Variants in AFG3L2 observed in about 807,000 individuals in gnomAD.
The protein encoded by AFG3L2 is AFG3 like matrix AAA peptidase subunit 2, also known as mitochondrial inner membrane m-AAA protease component AFG3L2.
Under a neutral mutation model 94.5 loss-of-function variants are expected in AFG3L2, and 54 were observed. The ratio of observed to expected loss-of-function variants is 0.57; its 90% CI spans 0.46 to 0.72. The LOEUF (loss-of-function observed/expected upper bound fraction) is 0.72. AFG3L2 is among the 30% of genes least tolerant of loss of function. AFG3L2 has a pLI of 0.00. For synonymous variants in AFG3L2, 377 were observed against 365.5 expected, an observed-to-expected ratio of 1.03 and a Z score of -0.36; for missense variants, 754 against 994.9, an observed-to-expected ratio of 0.76 and a Z score of 3.26.
intron 3 of AFG3L2, among the ~76,000 whole-genome samples, chr18:12,369,017 A>C (rs1908895016): frequency 6.6e-6 from 1 of 152,026 alleles, no homozygotes; most frequent in Non-Finnish European, 1.5e-5. Flanking sequence ...GCTTCATGAC[A>C]CATTCACTCC....
chr18:12,341,901 G>A (rs977086511), intron 14 of AFG3L2: 6 of 152,164 alleles, frequency 3.9e-5, no homozygotes, highest in Non-Finnish European at 8.8e-5. Context: ...AGGCTGGAGT[G>A]CAGTGGCACG....
At chr18:12,333,753 T>G (rs894604889) in intron 16 of AFG3L2, among the ~76,000 whole-genome samples, 1 of 152,196 alleles carries the variant, frequency 6.6e-6, no homozygotes, top group African/African-American at 2.4e-5. Context: ...GTAACCAGCA[T>G]GCACTTGACA....
chr18:12,369,924 G>A (rs796383409), intron 3 of AFG3L2, among the ~76,000 whole-genome samples: 16 of 151,106 alleles, frequency 1.1e-4, no homozygotes, highest in African/African-American at 3.9e-4. Context: ...TTAGCCAGGC[G>A]TGCGCCTTTA....
chr18:12,363,883 A>C (rs754512260), intron 5 of AFG3L2, 27 bp from the exon 6 acceptor site: 91 of 1,516,516 alleles, frequency 6.0e-5, no homozygotes, highest in Non-Finnish European at 9.2e-6. Flanking sequence ...AAATTCACAC[A>C]TAAATTCACA....
chr18:12,375,226 C>T (rs896039448), intron 1 of AFG3L2, among the ~76,000 whole-genome samples: 6 of 150,254 alleles, frequency 4.0e-5, no homozygotes, highest in Non-Finnish European at 7.4e-5. Context: ...ATCATGAATG[C>T]AGGCACTATT....
chr18:12,345,293 C>T (rs914925381), intron 13 of AFG3L2, among the ~76,000 whole-genome samples: 2 of 152,242 alleles, frequency 1.3e-5, no homozygotes, highest in Non-Finnish European at 2.9e-5. Context: ...TCTTCTCTGG[C>T]CTGGATCAAC....
intron 6 of AFG3L2, among the ~76,000 whole-genome samples, chr18:12,362,644 G>A (rs760862602): frequency 2.0e-5 from 3 of 152,162 alleles, no homozygotes; most frequent in Admixed American, 6.5e-5. Context: ...AAAATCACCC[G>A]TAGGGACGGC....
At chr18:12,370,260 C>T (rs1908940146) in intron 3 of AFG3L2, among the ~76,000 whole-genome samples, 1 of 152,004 alleles carries the variant, frequency 6.6e-6, no homozygotes, top group South Asian at 2.1e-4. Context: ...CGATTTTTCT[C>T]AATGTTTTAA....
At chr18:12,365,396 C>G (rs1908775000) in intron 5 of AFG3L2, among the ~76,000 whole-genome samples, 1 of 152,208 alleles carries the variant, frequency 6.6e-6, no homozygotes, top group Admixed American at 6.5e-5. Flanking sequence ...CCCACTACAT[C>G]TGAGAATTAC....
intron 1 of AFG3L2, among the ~76,000 whole-genome samples, chr18:12,372,518 C>G (rs1030191613): frequency 1.3e-5 from 2 of 152,164 alleles, no homozygotes; most frequent in African/African-American, 4.8e-5. Context: ...TATGGGTCAC[C>G]ATATGACCCA....
At chr18:12,341,553 T>C (rs1282395267) in intron 14 of AFG3L2, 2 of 152,210 alleles carry the variant, frequency 1.3e-5, no homozygotes, top group Non-Finnish European at 2.9e-5. Context: ...TTTGGCCTCT[T>C]TCCCTGTTTT....
At position 12,377,137 on chromosome 18, in the gene AFG3L2, C is replaced by A; in HGVS notation, c.-55G>T. Reference sequence around the variant, plus strand: ...ACGCTGCGCAGGCGCGGGCAGGCGACGACTGGCGGCCTCGGGAAGCGGGCT... The same window carrying A: ...ACGCTGCGCAGGCGCGGGCAGGCGAAGACTGGCGGCCTCGGGAAGCGGGCT... On this transcript the variant is annotated 5_prime_UTR_variant, in exon 1 of 17. Coordinates refer to ENST00000269143, the MANE Select transcript of AFG3L2 (RefSeq NM_006796.3). The A allele has an allele frequency of 7.9e-7, 1 of 1,273,770 alleles. No individual in the cohort carries two copies. Among genetic ancestry groups the A allele is most frequent in the South Asian group, 1.5e-5 (1 of 65,196 alleles). The allele number at this position is 1,273,770 out of a possible 1,614,324, so 78.9% of individuals were successfully genotyped here.
chr18:12,347,715 T>TA lies in AFG3L2; in HGVS notation c.1663+557dup, dbSNP rs1041842179. Among the ~76,000 whole-genome samples, 145 of 152,236 alleles carry TA rather than the reference T, an allele frequency of 9.5e-4. 1 individual carries two copies. The highest frequency in any genetic ancestry group is 3.4e-3 in the African/African-American group (141 of 41,544). On this transcript the variant is annotated intron_variant, in intron 13 of 16. Coordinates refer to ENST00000269143, the MANE Select transcript of AFG3L2 (RefSeq NM_006796.3). ...TCAAGTACGAGCCACCATGCCTGGC[T>TA]AATCTTTGTATTTTTAGTAGAGATG... is the stretch of plus-strand genomic sequence containing the variant.
At chr18:12,366,875 A>C in intron 5 of AFG3L2, 90 bp downstream of exon 5, 6 of 1,485,756 alleles carry the variant, frequency 4.0e-6, no homozygotes, top group Non-Finnish European at 5.6e-6. Flanking sequence ...TGGACGAGCC[A>C]GGTTAACCTG....
intron 13 of AFG3L2, among the ~76,000 whole-genome samples, chr18:12,347,499 G>C (rs1014715441): frequency 6.6e-6 from 1 of 152,114 alleles, no homozygotes; most frequent in African/African-American, 2.4e-5. Context: ...GCTGACTGAG[G>C]AAGCACTTCC....
chr18:12,337,661 G>A (rs1397266362), intron 15 of AFG3L2, 126 bp from the exon 16 acceptor site: 5 of 808,192 alleles, frequency 6.2e-6, no homozygotes, highest in Non-Finnish European at 1.0e-5. Flanking sequence ...AGCAGCAGCA[G>A]CAGCACAGTG....
At chr18:12,364,744 C>T (rs1036710421) in intron 5 of AFG3L2, among the ~76,000 whole-genome samples, 4 of 152,152 alleles carry the variant, frequency 2.6e-5, no homozygotes, top group African/African-American at 7.2e-5. Context: ...TAGCTCACTG[C>T]AGCCTCAACT....
intron 12 of AFG3L2, among the ~76,000 whole-genome samples, chr18:12,349,178 C>T (rs926155716): frequency 6.6e-6 from 1 of 152,140 alleles, no homozygotes; most frequent in Non-Finnish European, 1.5e-5. Flanking sequence ...CTCAACATCA[C>T]TAGTCATTAG....
At chr18:12,369,394 A>G (rs1219180045) in intron 3 of AFG3L2, among the ~76,000 whole-genome samples, 2 of 152,088 alleles carry the variant, frequency 1.3e-5, no homozygotes, top group Non-Finnish European at 2.9e-5. Flanking sequence ...TTCTTTGGGC[A>G]TATATTTGTC....
Sources: allele counts gnomAD v4.1 joint callset (sites outside exome capture counted in the v4.1 genomes callset), GRCh38; gene constraint gnomAD v4.1.1; transcripts MANE v1.5; gene names NCBI Gene and HGNC (gene_info 2026-07-23, HGNC 2026-07-21).